ITPR3: variants seen among roughly 807,000 people sequenced by gnomAD.
ITPR3 encodes inositol 1,4,5-trisphosphate receptor type 3, also known as inositol 1,4,5-trisphosphate-gated calcium channel ITPR3.
ITPR3 carries 173 observed loss-of-function variants against 293.2 expected under a neutral mutation model. That is an observed-to-expected ratio of 0.59 (90% CI 0.52 to 0.67). The LOEUF (loss-of-function observed/expected upper bound fraction) is 0.67, where lower values mean the gene tolerates loss of function less well. Ranked by LOEUF, ITPR3 falls within the 30% of genes least tolerant of loss-of-function variation. ITPR3 has a pLI of 0.00. For synonymous variants in ITPR3, 1,295 were observed against 1,444.4 expected (o/e 0.90, Z 2.35); for missense variants, 2,796 against 3,592.1 (o/e 0.78, Z 5.66).
chr6:33,683,075 G>A lies in ITPR3; in HGVS notation c.4598-132G>A, dbSNP rs954428292. On this transcript the variant is annotated intron_variant, in intron 34 of 57. Coordinates refer to ENST00000605930, the MANE Select transcript of ITPR3 (RefSeq NM_002224.4). This position sits in a 1 kb window ranked among gnomAD's most constrained non-coding sequence, Gnocchi z 4.5. The stretch of plus-strand genomic sequence containing the variant: ...AGTCCCTCAAGCATAGGCCGGGGTG[G>A]GGGGGGTCTCTGTCTCCCAGACCCT... The A allele has an allele frequency of 3.3e-4, 158 of 485,704 alleles. No individual in the cohort carries two copies. The African/African-American group carries it at 5.6e-3, about 17-fold the overall frequency. 30.1% of individuals were successfully genotyped at this position (485,704 alleles called of 1,614,324 possible).
At position 33,667,667 on chromosome 6, in the gene ITPR3, T is replaced by C; in HGVS notation, c.1714-125T>C. On this transcript the variant is annotated intron_variant, in intron 15 of 57. Coordinates refer to ENST00000605930, the MANE Select transcript of ITPR3 (RefSeq NM_002224.4). This position sits in a 1 kb window ranked among gnomAD's most constrained non-coding sequence, Gnocchi z 4.4. ...TTCTGCCCAGCGATGCTTCCTTTCC[T>C]GGACCTCTGCCTTTCTAGGGTATTG... The C allele has an allele frequency of 1.9e-6, 2 of 1,044,352 alleles. No individual in the cohort carries two copies. Among genetic ancestry groups the C allele is most frequent in the Non-Finnish European group, 1.4e-6 (1 of 723,204 alleles). The allele number at this position is 1,044,352 out of a possible 1,614,324, so 64.7% of individuals were successfully genotyped here.
At chr6:33,626,552 C>T (rs529003363) in intron 1 of ITPR3, among the ~76,000 whole-genome samples, 2 of 152,206 alleles carry the variant, frequency 1.3e-5, no homozygotes, top group South Asian at 2.1e-4. Context: ...CCAGAAGGCC[C>T]ATCTCTTTGC....
In ITPR3 at chr6:33,691,880, A is replaced by G; in HGVS notation, c.7410A>G (p.Leu2470=). 6.2e-7 allele frequency: 1 copy of G among 1,614,134 alleles called. No individual in the cohort carries two copies. Among genetic ancestry groups the G allele is most frequent in the Non-Finnish European group, 8.5e-7 (1 of 1,180,016 alleles). ...MCIVTVMNHG[L]RNGGGVGDIL... ...TCGTCACTGTCATGAACCATGGGCTACGCAACGGTGGTGGCGTGGGCGACA... is the reference window on the plus strand; with the variant it reads ...TCGTCACTGTCATGAACCATGGGCTGCGCAACGGTGGTGGCGTGGGCGACA... Residue 2470 remains leucine (L), a synonymous_variant, in exon 54 of 58, where the codon CTA becomes CTG. Transcript: ENST00000605930. This position sits in a 1 kb window ranked among gnomAD's most constrained non-coding sequence, Gnocchi z 4.9.
chr6:33,687,541 G>A lies in ITPR3; in HGVS notation c.6241G>A (p.Glu2081Lys), dbSNP rs769573649. Residue 2081 changes from glutamate (E) to lysine (K), a missense_variant, in exon 46 of 58, where the codon GAG becomes AAG. This residue lies in a region of ITPR3 where 704 missense variants were observed against 797.5 expected (regional missense o/e 0.88). Transcript: ENST00000605930. This position sits in a 1 kb window ranked among gnomAD's most constrained non-coding sequence, Gnocchi z 5.3. ...GCCGGTGAAGCGCATTCAAGAGGAG[G>A]AGGCCGAGGGTATCTCTTCCATGGT... ...LKPVKRIQEE[E>K]AEGISSMLSL... The A allele has an allele frequency of 5.3e-5, 84 of 1,594,308 alleles. No individual in the cohort carries two copies. The highest frequency in any genetic ancestry group is 6.9e-5 in the Non-Finnish European group (81 of 1,166,668).
Position 33,684,828 on chromosome 6 carries a change from A to G in ITPR3, c.5192A>G (p.Glu1731Gly). The change falls in exon 39 of 58, where the codon GAG becomes GGG. Residue 1731 changes from glutamate to glycine, a missense_variant. Coordinates refer to ENST00000605930, the MANE Select transcript of ITPR3 (RefSeq NM_002224.4). This position sits in a 1 kb window ranked among gnomAD's most constrained non-coding sequence, Gnocchi z 4.2. ...IAATQCRLDKEGATKLVCDLI... is the reference protein window; with the variant it reads ...IAATQCRLDKGGATKLVCDLI... ...GCCACCCAGTGCCGGCTGGACAAGG[A>G]GGGGGCCACCAAGTTGGTATGCGAC... 6.2e-7 allele frequency: 1 copy of G among 1,613,972 alleles called. No individual in the cohort carries two copies. The highest frequency in any genetic ancestry group is 8.5e-7 in the Non-Finnish European group (1 of 1,179,972).
chr6:33,668,653 G>C lies in ITPR3; in HGVS notation c.2006+19G>C, dbSNP rs1280310537. 1 of 1,613,882 alleles carries C rather than the reference G, an allele frequency of 6.2e-7. No individual in the cohort carries two copies. Among genetic ancestry groups the C allele is most frequent in the East Asian group, 2.2e-5 (1 of 44,898 alleles). ...GGACCGAGTGAGCCCTGTGCCCCCT[G>C]CCCGCACTTGGGCTCCACGCTGCTG... On this transcript the variant is annotated intron_variant, in intron 17 of 57. Coordinates refer to ENST00000605930, the MANE Select transcript of ITPR3 (RefSeq NM_002224.4).
chr6:33,689,964 T>G (rs1202699198), intron 50 of ITPR3, 70 bp from the exon 51 acceptor site: 1 of 1,577,724 alleles, frequency 6.3e-7, no homozygotes, highest in Admixed American at 1.7e-5. Context: ...AGCTGGGCAC[T>G]GGGGGACATG....
At chr6:33,626,448 A>G (rs768022577) in intron 1 of ITPR3, among the ~76,000 whole-genome samples, 2 of 152,170 alleles carry the variant, frequency 1.3e-5, no homozygotes, top group Non-Finnish European at 2.9e-5. Context: ...GGTGGTTTTA[A>G]TGAGTACCTG....
At position 33,633,447 on chromosome 6, in the gene ITPR3, TGCCCGCCATGAG is replaced by T; in HGVS notation, c.90-7035_90-7024del. Among the ~76,000 whole-genome samples, 1 of 151,738 alleles carries T rather than the reference TGCCCGCCATGAG, an allele frequency of 6.6e-6. No homozygotes were observed. Among genetic ancestry groups the T allele is most frequent in the South Asian group, 2.1e-4 (1 of 4,810 alleles). ...GTCCGGCTAGTTTGATAAACACAGG[TGCCCGCCATGAG>T]GAAGAGTCGGGGTGGGGCGCTAAGG... On this transcript the variant is annotated intron_variant, in intron 1 of 57. Transcript: ENST00000605930. This position sits in a 1 kb window ranked among gnomAD's most constrained non-coding sequence, Gnocchi z 5.2.
intron 51 of ITPR3, 97 bp from the exon 52 acceptor site, chr6:33,690,813 CTGTCTGG>C (rs1765367542): frequency 9.3e-7 from 1 of 1,071,582 alleles, no homozygotes; most frequent in African/African-American, 1.6e-5. Flanking sequence ...CCTTGGGAAA[CTGTCTGG>C]AGCCCAGGCA....
chr6:33,647,657 T>G (rs973489999), intron 2 of ITPR3, among the ~76,000 whole-genome samples: 1 of 152,232 alleles, frequency 6.6e-6, no homozygotes, highest in African/African-American at 2.4e-5. Context: ...CATAATGGGT[T>G]CATCCATGTT....
At chr6:33,653,471 ATGAGTGATG>A (rs759102072) in intron 2 of ITPR3, among the ~76,000 whole-genome samples, 1 of 152,172 alleles carries the variant, frequency 6.6e-6, no homozygotes, top group Non-Finnish European at 1.5e-5. Flanking sequence ...TGGTGTGGCC[ATGAGTGATG>A]TATTTTCTGA....
intron 55 of ITPR3, 114 bp downstream of exon 55, chr6:33,693,007 ATGACT>A: frequency 2.0e-6 from 2 of 978,422 alleles, no homozygotes; most frequent in Non-Finnish European, 3.0e-6. Context: ...CCCGGAGCTG[ATGACT>A]TGATGCATTT....
chr6:33,681,294 C>T (rs1222152534), intron 33 of ITPR3, among the ~76,000 whole-genome samples: 1 of 152,202 alleles, frequency 6.6e-6, no homozygotes, highest in Admixed American at 6.5e-5. Flanking sequence ...AGCACTTATT[C>T]ACCAAAGATA....
Position 33,655,928 on chromosome 6 carries a change from C to G in ITPR3, c.282+41C>G. The stretch of plus-strand genomic sequence containing the variant: ...CAGGCGTGCATCTGTGCACATGTAC[C>G]AGGAACCTGGGTACACAAGCAGCGG... On this transcript the variant is annotated intron_variant, in intron 3 of 57. Transcript: ENST00000605930. This position sits in a 1 kb window ranked among gnomAD's most constrained non-coding sequence, Gnocchi z 4.9. The G allele has an allele frequency of 6.2e-7, 1 of 1,611,338 alleles. No homozygotes were observed. Among genetic ancestry groups the G allele is most frequent in the Non-Finnish European group, 8.5e-7 (1 of 1,178,314 alleles).
intron 2 of ITPR3, among the ~76,000 whole-genome samples, chr6:33,648,499 C>G (rs1215011740): frequency 1.3e-5 from 2 of 151,926 alleles, no homozygotes; most frequent in African/African-American, 4.8e-5. Context: ...TGTAGATTCT[C>G]TAGGGTCACC....
At position 33,673,707 on chromosome 6, in the gene ITPR3, C is replaced by T; in HGVS notation, c.3045C>T (p.Ala1015=). The stretch of plus-strand genomic sequence containing the variant: ...GTGGGGCTGATGGCACAGCCCCTGC[C>T]TTCGACTCTACCAGTAAGCCCCTGC... ...QDSGADGTAP[A]FDSTTANMNL... The change falls in exon 23 of 58, where the codon GCC becomes GCT. Residue 1015 remains alanine, a synonymous_variant. Coordinates refer to ENST00000605930, the MANE Select transcript of ITPR3 (RefSeq NM_002224.4). 6.2e-7 allele frequency: 1 copy of T among 1,614,180 alleles called. No homozygotes were observed. The highest frequency in any genetic ancestry group is 1.1e-5 in the South Asian group (1 of 91,080).
chr6:33,658,888 T>A lies in ITPR3; in HGVS notation c.528+60T>A. 1.2e-6 allele frequency: 2 copies of A among 1,606,008 alleles called. No homozygotes were observed. Among genetic ancestry groups the A allele is most frequent in the South Asian group, 2.2e-5 (2 of 90,516 alleles). On this transcript the variant is annotated intron_variant, in intron 5 of 57. Coordinates refer to ENST00000605930, the MANE Select transcript of ITPR3 (RefSeq NM_002224.4). The surrounding 1 kb of genome is among the most constrained non-coding windows in gnomAD (Gnocchi z 6.1). ...GAACTCCCGAGGGGCTTCTGTAGGG[T>A]CTTCGGTGTGGGGACTGGATAAGGG...
chr6:33,689,632 A>T (rs1765336126), intron 50 of ITPR3, among the ~76,000 whole-genome samples: 1 of 152,214 alleles, frequency 6.6e-6, no homozygotes, highest in Non-Finnish European at 1.5e-5. Flanking sequence ...GAAATTCAAG[A>T]GTCCCTTTGG....
Sources: gnomAD v4.1 joint callset for allele counts (sites outside exome capture counted in the v4.1 genomes callset) on GRCh38, gnomAD v4.1.1 for gene constraint, gnomAD v4.1.1 regional missense constraint, Gnocchi (gnomAD v3.1) non-coding constraint, MANE v1.5 for transcripts, NCBI Gene and HGNC (gene_info 2026-07-23, HGNC 2026-07-21) for gene names.